The following SDK1 variants were observed in gnomAD, a reference collection of about 807,000 sequenced individuals.
SDK1 encodes the protein protein sidekick-1.
In SDK1, 157 loss-of-function variants were observed where a neutral mutation model predicts 245.5. The observed-to-expected ratio is 0.64, with a 90% CI of 0.56 to 0.73. The LOEUF is 0.73. SDK1 is among the 30% of genes least tolerant of loss of function. The pLI, the probability that SDK1 is intolerant of heterozygous loss-of-function variation, is 0.00. For missense variants in SDK1, 3,583 were observed against 3,002.3 expected (o/e 1.19, Z -4.52); for synonymous variants, 1,647 against 1,278.5 (o/e 1.29, Z -6.15).
At chr7:3,620,111 G>A (rs969871982) in intron 2 of SDK1, among the ~76,000 whole-genome samples, 2 of 151,964 alleles carry the variant, frequency 1.3e-5, no homozygotes, top group Admixed American at 1.3e-4. Context: ...CTGTATAGAG[G>A]CATTTTAAGT....
At chr7:3,664,925 G>A (rs2128660645) in intron 4 of SDK1, among the ~76,000 whole-genome samples, 1 of 152,132 alleles carries the variant, frequency 6.6e-6, no homozygotes, top group East Asian at 1.9e-4. Context: ...GATTTTGGAG[G>A]ACAGTCTGTC....
At chr7:3,345,060 C>T (rs1367723923) in intron 1 of SDK1, among the ~76,000 whole-genome samples, 1 of 152,134 alleles carries the variant, frequency 6.6e-6, no homozygotes, top group Non-Finnish European at 1.5e-5. Context: ...AGAAGTTAAG[C>T]GTTTATAGAA....
chr7:3,797,756 A>C (rs886969023), intron 4 of SDK1, among the ~76,000 whole-genome samples: 4 of 152,134 alleles, frequency 2.6e-5, no homozygotes, highest in African/African-American at 9.7e-5. Context: ...TTAAATGGCT[A>C]GTGAATGGTT....
chr7:3,486,741 A>G (rs192703835), intron 1 of SDK1, among the ~76,000 whole-genome samples: 3 of 152,144 alleles, frequency 2.0e-5, no homozygotes, highest in Admixed American at 6.5e-5. Context: ...ATTTTATCCT[A>G]TTACATTTAT....
intron 13 of SDK1, among the ~76,000 whole-genome samples, chr7:3,976,005 C>T (rs1356727158): frequency 1.6e-4 from 1 of 6,228 alleles, no homozygotes; most frequent in Admixed American, 1.3e-3. Context: ...CTGAGGCTGC[C>T]ACGCAGAGGA....
At chr7:3,537,849 G>C (rs1463744385) in intron 1 of SDK1, among the ~76,000 whole-genome samples, 3 of 152,150 alleles carry the variant, frequency 2.0e-5, no homozygotes, top group Non-Finnish European at 2.9e-5. Flanking sequence ...AGCAGAGTTG[G>C]GGCCTCCGTG....
intron 14 of SDK1, among the ~76,000 whole-genome samples, chr7:3,989,009 C>G (rs1784084810): frequency 6.6e-6 from 1 of 152,212 alleles, no homozygotes; most frequent in South Asian, 2.1e-4. Context: ...CCCACCTTGG[C>G]CTCCCAAAGT....
chr7:3,989,696 C>T (rs73673210), intron 14 of SDK1, among the ~76,000 whole-genome samples: 6,255 of 152,234 alleles, frequency 0.041, 426 homozygotes, highest in African/African-American at 0.14. Flanking sequence ...GCAGATTCAG[C>T]CTGAGTTCTG....
At chr7:3,384,285 G>A (rs1401614530) in intron 1 of SDK1, among the ~76,000 whole-genome samples, 1 of 152,112 alleles carries the variant, frequency 6.6e-6, no homozygotes, top group African/African-American at 2.4e-5. Context: ...AGGTTCCACA[G>A]TAGTAACTGA....
chr7:3,792,926 A>T (rs950919913), intron 4 of SDK1, among the ~76,000 whole-genome samples: 1 of 152,210 alleles, frequency 6.6e-6, no homozygotes, highest in East Asian at 1.9e-4. Flanking sequence ...GAGTGCATTC[A>T]GTTCTGCTTT....
chr7:3,453,720 C>T (rs773584392), intron 1 of SDK1, among the ~76,000 whole-genome samples: 3 of 151,602 alleles, frequency 2.0e-5, no homozygotes, highest in African/African-American at 4.9e-5. Context: ...ACTGGCACTA[C>T]AGGTGCACCA....
At chr7:4,069,152 G>T (rs1423879540) in intron 20 of SDK1, among the ~76,000 whole-genome samples, 1 of 152,170 alleles carries the variant, frequency 6.6e-6, no homozygotes, top group Non-Finnish European at 1.5e-5. Flanking sequence ...AGGGCCCCCT[G>T]TTCTACTGTT....
chr7:3,875,489 C>A (rs1377608472), intron 5 of SDK1, among the ~76,000 whole-genome samples: 1 of 152,226 alleles, frequency 6.6e-6, no homozygotes, highest in African/African-American at 2.4e-5. Flanking sequence ...GCTCTCGGAG[C>A]GAGTTTTTGC....
At chr7:3,562,625 T>C (rs1351672141) in intron 1 of SDK1, among the ~76,000 whole-genome samples, 1 of 152,196 alleles carries the variant, frequency 6.6e-6, no homozygotes, top group Non-Finnish European at 1.5e-5. Context: ...AACTGGTTTT[T>C]AAAACTATTT....
At chr7:3,602,659 G>C (rs1781289417) in intron 1 of SDK1, among the ~76,000 whole-genome samples, 1 of 151,752 alleles carries the variant, frequency 6.6e-6, no homozygotes, top group Admixed American at 6.6e-5. Context: ...TTCTTTTGCT[G>C]TGCAGAAGCT....
chr7:4,265,474 A>G lies in SDK1; in HGVS notation c.*90A>G. On this transcript the variant is annotated 3_prime_UTR_variant, in exon 45 of 45. Coordinates refer to ENST00000404826, the MANE Select transcript of SDK1 (RefSeq NM_152744.4). ...ACAATCAACTCCAATAACTGAGCTG[A>G]AGTTTTTGTTTAAAAAGAAAAAAAT... 1 of 1,370,840 alleles carries G rather than the reference A, an allele frequency of 7.3e-7. No individual in the cohort carries two copies. Among genetic ancestry groups the G allele is most frequent in the Non-Finnish European group, 9.3e-7 (1 of 1,070,092 alleles). 84.9% of individuals were successfully genotyped at this position (1,370,840 alleles called of 1,614,324 possible).
At chr7:4,180,679 A>G (rs1215819240) in intron 35 of SDK1, among the ~76,000 whole-genome samples, 1 of 152,230 alleles carries the variant, frequency 6.6e-6, no homozygotes, top group Non-Finnish European at 1.5e-5. Context: ...CGCAGGAAGC[A>G]TGGTGGTCTC....
At chr7:4,145,570 T>C in intron 28 of SDK1, 152 bp from the exon 29 acceptor site, 2 of 633,338 alleles carry the variant, frequency 3.2e-6, no homozygotes, top group Middle Eastern at 4.3e-4. Context: ...ATCACAGCCA[T>C]GAGACCACCC....
intron 1 of SDK1, among the ~76,000 whole-genome samples, chr7:3,523,873 C>T (rs1783027880): frequency 6.6e-6 from 1 of 151,942 alleles, no homozygotes; most frequent in Non-Finnish European, 1.5e-5. Flanking sequence ...GGTTTTCTAC[C>T]CCCTTATGTG....
Sources: gnomAD v4.1 joint callset for allele counts (sites outside exome capture counted in the v4.1 genomes callset) on GRCh38, gnomAD v4.1.1 for gene constraint, MANE v1.5 for transcripts, NCBI Gene and HGNC (gene_info 2026-07-23, HGNC 2026-07-21) for gene names.